The following TTC3 variants were observed in gnomAD, a reference collection of about 807,000 sequenced individuals.
The protein encoded by TTC3 is E3 ubiquitin-protein ligase TTC3.
Under a neutral mutation model 249.6 loss-of-function variants are expected in TTC3, and 180 were observed. The observed-to-expected ratio is 0.72, with a 90% CI of 0.64 to 0.82. TTC3 has a LOEUF of 0.82. TTC3 is among the 40% of genes least tolerant of loss of function. The probability of loss-of-function intolerance (pLI) is 0.00; values close to 1 mark genes in which losing one functional copy is unlikely to be tolerated. For synonymous variants in TTC3, 717 were observed against 805.0 expected (o/e 0.89, Z 1.85); for missense variants, 2,061 against 2,398.4 (o/e 0.86, Z 2.94).
rs1443955351 is a variant in TTC3, at chr21:37,185,645, G to A, written c.4758-61G>A. The A allele has an allele frequency of 7.4e-6, 7 of 944,204 alleles. No homozygotes were observed. In the East Asian group the frequency reaches 1.5e-4, roughly 20 times the overall value. 58.5% of individuals were successfully genotyped at this position (944,204 alleles called of 1,614,324 possible). On this transcript the variant is annotated intron_variant, in intron 36 of 45. Transcript: ENST00000355666. Reference sequence around the variant, plus strand: ...TAAGGATATGGGTGCAATTTACTGTGTGGGGGTCCTGTTAAAAATTTTTCA... The same window carrying A: ...TAAGGATATGGGTGCAATTTACTGTATGGGGGTCCTGTTAAAAATTTTTCA...
intron 20 of TTC3, among the ~76,000 whole-genome samples, chr21:37,141,530 G>A (rs542228165): frequency 4.4e-4 from 67 of 152,200 alleles, no homozygotes; most frequent in African/African-American, 1.5e-3. Context: ...AGCACTTTGG[G>A]AGGCCAGTGG....
intron 25 of TTC3, among the ~76,000 whole-genome samples, chr21:37,151,194 G>T (rs2079433373): frequency 6.6e-6 from 1 of 151,980 alleles, no homozygotes; most frequent in Admixed American, 6.6e-5. Flanking sequence ...AAACTATACA[G>T]TTTGCTCTCA....
At position 37,111,375 on chromosome 21, in the gene TTC3, A is replaced by G. The variant is rs563678416; in HGVS notation, c.900+2929A>G. 7.9e-5 allele frequency among the ~76,000 whole-genome samples: 12 copies of G among 152,344 alleles called. No homozygotes were observed. In the South Asian group the frequency reaches 2.3e-3, roughly 29 times the overall value. On this transcript the variant is annotated intron_variant, in intron 11 of 45. Transcript: ENST00000355666. Reference sequence around the variant, plus strand: ...GGAGGAAGATCTACCAAGCAAATGGAAAACGAAAAAAGGCAGGGGTTGCAA... The same window carrying G: ...GGAGGAAGATCTACCAAGCAAATGGGAAACGAAAAAAGGCAGGGGTTGCAA...
At chr21:37,099,912 G>A (rs965358297) in intron 10 of TTC3, among the ~76,000 whole-genome samples, 1 of 152,094 alleles carries the variant, frequency 6.6e-6, no homozygotes, top group Non-Finnish European at 1.5e-5. Flanking sequence ...GGATAAATAT[G>A]GTATATTCAT....
intron 21 of TTC3, among the ~76,000 whole-genome samples, 159 bp downstream of exon 21, chr21:37,144,804 A>T (rs983910612): frequency 1.3e-5 from 2 of 152,134 alleles, no homozygotes; most frequent in Admixed American, 6.6e-5. Flanking sequence ...CATTTATTGA[A>T]TGTTTTCTGT....
At chr21:37,165,177 T>G (rs942567016) in intron 32 of TTC3, among the ~76,000 whole-genome samples, 7 of 152,242 alleles carry the variant, frequency 4.6e-5, no homozygotes, top group Admixed American at 2.0e-4. Context: ...TTTTTGAGAT[T>G]TGATTTTCTC....
chr21:37,145,973 A>C (rs1449318252), intron 21 of TTC3, among the ~76,000 whole-genome samples: 3 of 152,224 alleles, frequency 2.0e-5, no homozygotes, highest in African/African-American at 7.2e-5. Flanking sequence ...TTGGAGGGTC[A>C]AACATTCAAA....
intron 7 of TTC3, chr21:37,093,402 AGG>A (rs1568888264): frequency 2.4e-4 from 32 of 132,286 alleles, no homozygotes; most frequent in Admixed American, 1.6e-4. Flanking sequence ...AAAAAAAAAA[AGG>A]AAATGCTCAT....
At chr21:37,086,973 T>C (rs1436352717) in intron 1 of TTC3, 7 of 329,784 alleles carry the variant, frequency 2.1e-5, no homozygotes. Context: ...GATGATCCTC[T>C]ATTTAAAGGA....
intron 10 of TTC3, among the ~76,000 whole-genome samples, chr21:37,100,309 A>C (rs2074352808): frequency 1.3e-5 from 2 of 152,336 alleles, no homozygotes; most frequent in East Asian, 1.9e-4. Context: ...AATATTTGAT[A>C]AAAAGTAAAA....
At position 37,182,638 on chromosome 21, in the gene TTC3, C is replaced by T. The variant is rs537098489; in HGVS notation, c.4618-136C>T. On this transcript the variant is annotated intron_variant, in intron 35 of 45. Coordinates refer to ENST00000355666, the Ensembl canonical transcript of TTC3. The stretch of plus-strand genomic sequence containing the variant: ...CTGGGGGGCATAGTCTGCCACAGGG[C>T]GCCAGCTTGGGAGTGTGTTCCACTG... 1,335 of 878,370 alleles carry T rather than the reference C, an allele frequency of 1.5e-3. 12 individuals carry two copies. Among genetic ancestry groups the T allele is most frequent in the Non-Finnish European group, 1.2e-3 (750 of 614,754 alleles). The allele number at this position is 878,370 out of a possible 1,614,324, so 54.4% of individuals were successfully genotyped here.
Position 37,099,887 on chromosome 21 carries a change from C to A in TTC3, c.845+3244C>A, listed in dbSNP as rs543237402. On this transcript the variant is annotated intron_variant, in intron 10 of 45. Transcript: ENST00000355666. ...AAGAAATGAAAACGACCTAAATGGC[C>A]ATCAATAGGGGAATGGATAAATATG... is the stretch of plus-strand genomic sequence containing the variant. 2.6e-5 allele frequency among the ~76,000 whole-genome samples: 4 copies of A among 152,232 alleles called. No homozygotes were observed. In the South Asian group the frequency reaches 8.3e-4, roughly 32 times the overall value.
At chr21:37,092,624 C>A (rs2073420942) in intron 7 of TTC3, among the ~76,000 whole-genome samples, 1 of 152,180 alleles carries the variant, frequency 6.6e-6, no homozygotes, top group Admixed American at 6.5e-5. Context: ...CTAGATAAGT[C>A]AGATCTCTCT....
intron 25 of TTC3, 55 bp downstream of exon 25, chr21:37,150,939 C>A: frequency 3.2e-6 from 4 of 1,260,256 alleles, no homozygotes; most frequent in South Asian, 1.3e-5. Context: ...GAATATAATT[C>A]TATTAAATGC....
chr21:37,114,963 A>G lies in TTC3; in HGVS notation c.900+6517A>G, dbSNP rs568001869. ...AACCAAACACCGCATGTTCTCACTC[A>G]TAGGTGGGAATTGAACAATGAGAGC... On this transcript the variant is annotated intron_variant, in intron 11 of 45. Coordinates refer to ENST00000355666, the Ensembl canonical transcript of TTC3. Among the ~76,000 whole-genome samples, 379 of 151,508 alleles carry G rather than the reference A, an allele frequency of 2.5e-3. 2 individuals carry two copies. The highest frequency in any genetic ancestry group is 6.8e-3 in the Middle Eastern group (2 of 294).
chr21:37,172,790 G>A (rs762093355), intron 35 of TTC3, 46 bp downstream of exon 35: 2 of 1,604,590 alleles, frequency 1.2e-6, no homozygotes, highest in Non-Finnish European at 1.7e-6. Context: ...AGCATAGTTA[G>A]GAGAATGTGA....
At position 37,150,056 on chromosome 21, in the gene TTC3, T is replaced by G. The variant is rs764731235; in HGVS notation, c.2119-22T>G. On this transcript the variant is annotated intron_variant, in intron 23 of 45. Coordinates refer to ENST00000355666, the Ensembl canonical transcript of TTC3. The stretch of plus-strand genomic sequence containing the variant: ...CCCTAGACATAACATTTTTCTTGTT[T>G]TTTTTTTTTTTAATCAAATAGGATT... 1.3e-5 allele frequency: 18 copies of G among 1,433,738 alleles called. No individual in the cohort carries two copies. The African/African-American group carries it at 1.9e-4, about 15-fold the overall frequency. 88.8% of individuals were successfully genotyped at this position (1,433,738 alleles called of 1,614,324 possible). A position where few individuals can be genotyped will look rare whatever the true frequency, so the allele number is the denominator to read the frequency against.
chr21:37,136,941 G>A (rs1390463562), intron 18 of TTC3, among the ~76,000 whole-genome samples: 1 of 152,192 alleles, frequency 6.6e-6, no homozygotes, highest in Non-Finnish European at 1.5e-5. Context: ...AGGCCCTTAA[G>A]AATTATGCTA....
At chr21:37,153,430 C>T (rs2079680140) in intron 27 of TTC3, 153 bp downstream of exon 27, 13 of 749,270 alleles carry the variant, frequency 1.7e-5, no homozygotes, top group Non-Finnish European at 2.4e-5. Context: ...GTCCCAGCTA[C>T]TTGGGAGGCG....
Sources: allele counts gnomAD v4.1 joint callset (sites outside exome capture counted in the v4.1 genomes callset), GRCh38; gene constraint gnomAD v4.1.1; transcripts MANE v1.5; gene names NCBI Gene and HGNC (gene_info 2026-07-23, HGNC 2026-07-21).